MPV17L2: variants seen among roughly 807,000 people sequenced by gnomAD.
MPV17L2 encodes the protein MPV17 mitochondrial inner membrane protein like 2, also known as mpv17-like protein 2.
In MPV17L2, 25 loss-of-function variants were observed where a neutral mutation model predicts 24.2. The ratio of observed to expected loss-of-function variants is 1.03; its 90% CI spans 0.75 to 1.44. MPV17L2 has a LOEUF of 1.44. Among genes scored for constraint, MPV17L2 ranks in the 40% most tolerant of loss-of-function variants. MPV17L2 has a pLI of 0.00. For missense variants in MPV17L2, 271 were observed against 276.2 expected, an observed-to-expected ratio of 0.98 and a Z score of 0.13; for synonymous variants, 130 against 121.4, an observed-to-expected ratio of 1.07 and a Z score of -0.46.
In MPV17L2 at chr19:18,196,417, TC is replaced by T. The variant is rs1243347599; in HGVS notation, c.*365del. ...CTGGGCCAAGCCACCAATCCAGAGC[TC>T]CCTCAGGTCCTGGGACTAAGGCGGG... On this transcript the variant is annotated 3_prime_UTR_variant, in exon 5 of 5. Transcript: ENST00000599612. The T allele has an allele frequency of 4.1e-5, 54 of 1,310,022 alleles. No individual in the cohort carries two copies. The highest frequency in any genetic ancestry group is 1.1e-4 in the Admixed American group (5 of 44,108). The allele number at this position is 1,310,022 out of a possible 1,614,324, so 81.1% of individuals were successfully genotyped here. A position where few individuals can be genotyped will look rare whatever the true frequency, so the allele number is the denominator to read the frequency against.
At chr19:18,193,615 G>T in intron 1 of MPV17L2, 147 bp downstream of exon 1, 2 of 1,406,122 alleles carry the variant, frequency 1.4e-6, no homozygotes, top group Non-Finnish European at 1.9e-6. Context: ...CTGTCTCCCC[G>T]CAGCTCTGGG....
At position 18,193,219 on chromosome 19, in the gene MPV17L2, A is replaced by G. The variant is rs1967454468; in HGVS notation, c.-63A>G. The G allele has an allele frequency of 7.1e-7, 1 of 1,404,850 alleles. No individual in the cohort carries two copies. Among genetic ancestry groups the G allele is most frequent in the South Asian group, 1.5e-5 (1 of 65,626 alleles). 87.0% of individuals were successfully genotyped at this position (1,404,850 alleles called of 1,614,324 possible). A position where few individuals can be genotyped will look rare whatever the true frequency, so the allele number is the denominator to read the frequency against. ...GGCGGGCAATTTGGGATCGACAGTGACTCGCGACTGGTCGGCGCGGCGAAA... is the reference window on the plus strand; with the variant it reads ...GGCGGGCAATTTGGGATCGACAGTGGCTCGCGACTGGTCGGCGCGGCGAAA... On this transcript the variant is annotated 5_prime_UTR_variant, in exon 1 of 5. Transcript: ENST00000599612.
intron 2 of MPV17L2, 49 bp downstream of exon 2, chr19:18,194,083 G>A: frequency 6.3e-7 from 1 of 1,587,438 alleles, no homozygotes; most frequent in Non-Finnish European, 8.6e-7. Context: ...GTCGGGAGGG[G>A]TGGAGCCAGC....
chr19:18,194,843 A>G lies in MPV17L2; in HGVS notation c.425A>G (p.Glu142Gly). The change falls in exon 3 of 5, where the codon GAA becomes GGA. Residue 142 changes from glutamate to glycine, a missense_variant. Transcript: ENST00000599612. ...CAGGAGCTGCGGGAGAAGTTCTGGGAATTCTACAAGGTGGGAGCACCCGCC... is the reference window on the plus strand; with the variant it reads ...CAGGAGCTGCGGGAGAAGTTCTGGGGATTCTACAAGGTGGGAGCACCCGCC... ...SCQELREKFW[E>G]FYKADWCVWP... 6.2e-7 allele frequency: 1 copy of G among 1,607,950 alleles called. No individual in the cohort carries two copies.
Position 18,194,012 on chromosome 19 carries a change from G to A in MPV17L2, c.336G>A (p.Leu112=). The A allele has an allele frequency of 6.2e-7, 1 of 1,614,140 alleles. No homozygotes were observed. Among genetic ancestry groups the A allele is most frequent in the Non-Finnish European group, 8.5e-7 (1 of 1,179,990 alleles). ...VLVDQLVASP[L]LGVWYFLGLG... ...TGGATCAGCTGGTAGCCTCTCCATT[G>A]CTGGGCGTCTGGTACTTCTTGGGTA... Residue 112 remains leucine (L), a synonymous_variant, in exon 2 of 5, where the codon TTG becomes TTA. Transcript: ENST00000599612.
intron 2 of MPV17L2, 80 bp from the exon 3 acceptor site, chr19:18,194,697 C>G (rs1400159101): frequency 5.2e-6 from 7 of 1,344,628 alleles, no homozygotes; most frequent in Non-Finnish European, 7.2e-6. Context: ...CAACCCCGCC[C>G]CCTCCATCGT....
At position 18,194,675 on chromosome 19, in the gene MPV17L2, C is replaced by T; in HGVS notation, c.359-102C>T. ...CTCTGCCCGGGGTGGGCGGCGTGGGCTCTCAGGGGCCCAACCCCGCCCCCT... is the reference window on the plus strand; with the variant it reads ...CTCTGCCCGGGGTGGGCGGCGTGGGTTCTCAGGGGCCCAACCCCGCCCCCT... On this transcript the variant is annotated intron_variant, in intron 2 of 4. Coordinates refer to ENST00000599612, the MANE Select transcript of MPV17L2 (RefSeq NM_032683.3). The T allele has an allele frequency of 7.6e-6, 8 of 1,045,776 alleles. No individual in the cohort carries two copies. The East Asian group carries it at 2.1e-4, about 27-fold the overall frequency. 64.8% of individuals were successfully genotyped at this position (1,045,776 alleles called of 1,614,324 possible).
In MPV17L2 at chr19:18,193,460, G is replaced by A. The variant is rs552171425; in HGVS notation, c.179G>A (p.Arg60Gln). The A allele has an allele frequency of 3.3e-6, 5 of 1,528,944 alleles. No homozygotes were observed. Among genetic ancestry groups the A allele is most frequent in the Non-Finnish European group, 4.4e-6 (5 of 1,148,916 alleles). 94.7% of individuals were successfully genotyped at this position (1,528,944 alleles called of 1,614,324 possible). The change falls in exon 1 of 5, where the codon CGG becomes CAG. Residue 60 changes from arginine (R) to glutamine (Q), a missense_variant. Coordinates refer to ENST00000599612, the MANE Select transcript of MPV17L2 (RefSeq NM_032683.3). ...CGGCCCGGCCAGGTTTTCGACCCAC[G>A]GCGCTCCGGTGAGGACGCCACGCTG... The part of the protein sequence containing the change: ...RARPGQVFDP[R>Q]RSASMFAVGC...
At chr19:18,195,134 T>TA (rs1214035801) in intron 4 of MPV17L2, 48 bp downstream of exon 4, 1 of 1,585,912 alleles carries the variant, frequency 6.3e-7, no homozygotes, top group Non-Finnish European at 8.6e-7. Context: ...CCCAGGGGGC[T>TA]ACACGTGTGA....
In MPV17L2 at chr19:18,196,051, A is replaced by C; in HGVS notation, c.617A>C (p.Asp206Ala). The change falls in exon 5 of 5, where the codon GAC becomes GCC. Residue 206 changes from aspartate (D) to alanine (A), a missense_variant. Physicochemically the swap from Asp to Ala is moderately radical, Grantham distance 126. Coordinates refer to ENST00000599612, the MANE Select transcript of MPV17L2 (RefSeq NM_032683.3). ...PGCVALDTRAD is the reference protein window; with the variant it reads ...PGCVALDTRAA ...TGTGTGGCCCTGGACACCCGAGCAG[A>C]CTGAACTGTCTGCTTCCTGGACCAG... is the stretch of plus-strand genomic sequence containing the variant. 1.2e-6 allele frequency: 2 copies of C among 1,614,066 alleles called. No individual in the cohort carries two copies. The highest frequency in any genetic ancestry group is 4.5e-5 in the East Asian group (2 of 44,870).
Position 18,196,623 on chromosome 19 carries a change from C to T in MPV17L2, c.*568C>T, listed in dbSNP as rs1411931078. 3 of 397,628 alleles carry T rather than the reference C, an allele frequency of 7.5e-6. No homozygotes were observed. The highest frequency in any genetic ancestry group is 1.4e-5 in the Non-Finnish European group (3 of 219,016). The allele number at this position is 397,628 out of a possible 1,614,324, so 24.6% of individuals were successfully genotyped here. A position where few individuals can be genotyped will look rare whatever the true frequency, so the allele number is the denominator to read the frequency against. On this transcript the variant is annotated 3_prime_UTR_variant, in exon 5 of 5. Transcript: ENST00000599612. ...GCGCAGTGGCTCCCACCTGTAATCT[C>T]AGCCCTTCCCGAGGCTGAGGTGGAA...
At chr19:18,194,670 G>A in intron 2 of MPV17L2, 107 bp from the exon 3 acceptor site, 4 of 955,592 alleles carry the variant, frequency 4.2e-6, no homozygotes, top group South Asian at 1.5e-5. Context: ...GGTGGGCGGC[G>A]TGGGCTCTCA....
Position 18,196,489 on chromosome 19 carries a change from C to T in MPV17L2, c.*434C>T. ...AGCAGGCTCAGGCCTGGAGTCGGCC[C>T]CCAAAAGTTTCACATAGGGCCAGGC... On this transcript the variant is annotated 3_prime_UTR_variant, in exon 5 of 5. Transcript: ENST00000599612. The T allele has an allele frequency of 2.4e-6, 3 of 1,264,288 alleles. No homozygotes were observed. The South Asian group carries it at 3.8e-5, about 16-fold the overall frequency. The allele number at this position is 1,264,288 out of a possible 1,614,324, so 78.3% of individuals were successfully genotyped here.
Position 18,193,865 on chromosome 19 carries a change from G to A in MPV17L2, c.189G>A (p.Ala63=), listed in dbSNP as rs1967466171. The part of the protein sequence containing the change: ...PGQVFDPRRS[A]SMFAVGCSMG... ...GCCCCCTGACTTACACTCTTATAGC[G>A]AGCATGTTTGCGGTGGGCTGCAGCA... Residue 63 remains alanine (A), a splice_region_variant and synonymous_variant, in exon 2 of 5, where the codon GCG becomes GCA. Transcript: ENST00000599612. 6.2e-7 allele frequency: 1 copy of A among 1,613,966 alleles called. No homozygotes were observed. Among genetic ancestry groups the A allele is most frequent in the Non-Finnish European group, 8.5e-7 (1 of 1,179,992 alleles).
chr19:18,194,529 A>G (rs761190320), intron 2 of MPV17L2, among the ~76,000 whole-genome samples: 34 of 152,144 alleles, frequency 2.2e-4, no homozygotes, highest in Non-Finnish European at 7.4e-5. Context: ...GGGTGTCTCC[A>G]TTGGGGCACG....
chr19:18,194,897 A>G (rs755506759), intron 3 of MPV17L2, 44 bp downstream of exon 3: 6 of 1,554,326 alleles, frequency 3.9e-6, no homozygotes, highest in Middle Eastern at 4.2e-4. Context: ...CCGCCCCCTG[A>G]TGGCCGCTCC....
At chr19:18,195,232 G>A (rs979318452) in intron 4 of MPV17L2, 146 bp downstream of exon 4, 42 of 1,360,948 alleles carry the variant, frequency 3.1e-5, no homozygotes, top group Non-Finnish European at 4.1e-5. Context: ...GGCTGGCGGA[G>A]AGCTCCTCAC....
chr19:18,193,549 C>T (rs1967461161), intron 1 of MPV17L2, 81 bp downstream of exon 1: 1 of 1,419,972 alleles, frequency 7.0e-7, no homozygotes. Flanking sequence ...GACCCCTGAC[C>T]CGTGGCCTCA....
At position 18,194,846 on chromosome 19, in the gene MPV17L2, T is replaced by C. The variant is rs772228188; in HGVS notation, c.428T>C (p.Phe143Ser). 6.2e-7 allele frequency: 1 copy of C among 1,607,062 alleles called. No homozygotes were observed. Among genetic ancestry groups the C allele is most frequent in the South Asian group, 1.1e-5 (1 of 89,980 alleles). ...GAGCTGCGGGAGAAGTTCTGGGAAT[T>C]CTACAAGGTGGGAGCACCCGCCCCT... Reference protein sequence around the residue: ...CQELREKFWEFYKADWCVWPA... With the variant: ...CQELREKFWESYKADWCVWPA... The change falls in exon 3 of 5, where the codon TTC (phenylalanine) becomes TCC (serine). Residue 143 changes from phenylalanine to serine, a missense_variant. Transcript: ENST00000599612.
Sources: allele counts gnomAD v4.1 joint callset (sites outside exome capture counted in the v4.1 genomes callset), GRCh38; gene constraint gnomAD v4.1.1; transcripts MANE v1.5; gene names NCBI Gene and HGNC (gene_info 2026-07-23, HGNC 2026-07-21).